The following MOB1A variants were observed in gnomAD, a reference collection of about 807,000 sequenced individuals.
MOB1A encodes the protein MOB kinase activator 1A.
MOB1A carries 10 observed loss-of-function variants against 25.1 expected under a neutral mutation model. That is an observed-to-expected ratio of 0.40 (90% CI 0.25 to 0.68). MOB1A has a LOEUF of 0.68. Ranked by LOEUF, MOB1A falls within the 30% of genes least tolerant of loss-of-function variation. The probability of loss-of-function intolerance (pLI) is 0.40; values close to 1 mark genes in which losing one functional copy is unlikely to be tolerated. For missense variants in MOB1A, 177 were observed against 256.3 expected (o/e 0.69, Z 2.11); for synonymous variants, 81 against 79.5 (o/e 1.02, Z -0.10).
In MOB1A at chr2:74,172,574, T is replaced by A. The variant is rs1398647386; in HGVS notation, c.181+12A>T. 6.3e-7 allele frequency: 1 copy of A among 1,595,314 alleles called. No homozygotes were observed. Among genetic ancestry groups the A allele is most frequent in the Non-Finnish European group, 8.5e-7 (1 of 1,174,286 alleles). ...TTTCTAGAAAACAGCAAAGTTACAT[T>A]TTAAAACTTACTGTTCACAGCAATC... is the stretch of plus-strand genomic sequence containing the variant. On this transcript the variant is annotated intron_variant, in intron 2 of 5. Coordinates refer to ENST00000396049, the MANE Select transcript of MOB1A (RefSeq NM_018221.5).
At chr2:74,173,371 T>A (rs924835345) in intron 1 of MOB1A, among the ~76,000 whole-genome samples, 1 of 140,096 alleles carries the variant, frequency 7.1e-6, no homozygotes, top group Non-Finnish European at 1.5e-5. Flanking sequence ...TTGGCCTCAA[T>A]TTCGGTTTTT....
intron 2 of MOB1A, among the ~76,000 whole-genome samples, chr2:74,167,339 G>C (rs147702647): frequency 6.6e-6 from 1 of 151,898 alleles, no homozygotes; most frequent in Admixed American, 6.6e-5. Flanking sequence ...TCCGCTTCCC[G>C]GGTTCAAGCA....
At chr2:74,177,191 T>C (rs1369068608) in intron 1 of MOB1A, among the ~76,000 whole-genome samples, 1 of 151,918 alleles carries the variant, frequency 6.6e-6, no homozygotes, top group African/African-American at 2.4e-5. Flanking sequence ...CCGGCGCCTG[T>C]AATCCCAGCT....
intron 2 of MOB1A, among the ~76,000 whole-genome samples, chr2:74,171,022 G>A (rs1186290125): frequency 6.6e-6 from 1 of 152,180 alleles, no homozygotes; most frequent in Non-Finnish European, 1.5e-5. Context: ...GCTCACGCCT[G>A]TAATCCCTGC....
At chr2:74,174,428 G>A (rs769146012) in intron 1 of MOB1A, among the ~76,000 whole-genome samples, 1 of 152,084 alleles carries the variant, frequency 6.6e-6, no homozygotes, top group African/African-American at 2.4e-5. Flanking sequence ...AGGCGGAATG[G>A]GGGGTGGGGA....
chr2:74,165,185 AAAAG>A (rs1693094777), intron 4 of MOB1A, 29 bp downstream of exon 4: 1 of 1,454,858 alleles, frequency 6.9e-7, no homozygotes, highest in South Asian at 1.5e-5. Flanking sequence ...AAATTTTAAA[AAAAG>A]AAAGAATACT....
chr2:74,156,109 TA>T lies in MOB1A; in HGVS notation c.*458del, dbSNP rs1206096165. On this transcript the variant is annotated 3_prime_UTR_variant, in exon 6 of 6. Transcript: ENST00000396049. ...TACTGAAAAATACATTTTTTATTCG[TA>T]AAATAAAAGAATAAAACCAATCTGA... 6.5e-6 allele frequency: 1 copy of T among 153,200 alleles called. No individual in the cohort carries two copies. Among genetic ancestry groups the T allele is most frequent in the African/African-American group, 2.4e-5 (1 of 41,460 alleles). The allele number at this position is 153,200 out of a possible 1,614,324, so 9.5% of individuals were successfully genotyped here.
intron 2 of MOB1A, among the ~76,000 whole-genome samples, chr2:74,169,556 A>G (rs1322678133): frequency 6.6e-6 from 1 of 152,124 alleles, no homozygotes; most frequent in Non-Finnish European, 1.5e-5. Context: ...TTTCCAACAG[A>G]GTATCACGAG....
rs189439055 is a variant in MOB1A at position 74,160,407 on chromosome 2, G to T, written c.410-1153C>A. 1.1e-3 allele frequency among the ~76,000 whole-genome samples: 166 copies of T among 152,238 alleles called. 1 individual carries two copies. The highest frequency in any genetic ancestry group is 3.9e-3 in the African/African-American group (161 of 41,542). Reference sequence around the variant, plus strand: ...TCCTAAGCAAAATAAAAAGGCAGCCGGGCACAGTGGCTCACGCCTGTAATC... The same window carrying T: ...TCCTAAGCAAAATAAAAAGGCAGCCTGGCACAGTGGCTCACGCCTGTAATC... On this transcript the variant is annotated intron_variant, in intron 4 of 5. Coordinates refer to ENST00000396049, the MANE Select transcript of MOB1A (RefSeq NM_018221.5).
At chr2:74,158,882 G>C (rs1692878873) in intron 5 of MOB1A, among the ~76,000 whole-genome samples, 1 of 152,070 alleles carries the variant, frequency 6.6e-6, no homozygotes, top group Admixed American at 6.5e-5. Flanking sequence ...GGTGGCCAGA[G>C]GCAGAAGGCC....
At chr2:74,171,722 G>A (rs1693299089) in intron 2 of MOB1A, among the ~76,000 whole-genome samples, 1 of 152,104 alleles carries the variant, frequency 6.6e-6, no homozygotes, top group Non-Finnish European at 1.5e-5. Flanking sequence ...GGGCAACATG[G>A]TGAAACCTTG....
chr2:74,168,809 G>A (rs1693202827), intron 2 of MOB1A, among the ~76,000 whole-genome samples: 1 of 152,106 alleles, frequency 6.6e-6, no homozygotes, highest in South Asian at 2.1e-4. Context: ...ATGTTTCTAA[G>A]AAAGTAACAC....
chr2:74,173,221 A>G (rs1693347446), intron 1 of MOB1A: 1 of 517,838 alleles, frequency 1.9e-6, no homozygotes, highest in African/African-American at 1.9e-5. Flanking sequence ...CCCTGCCTGT[A>G]AAAGCAAGAT....
intron 1 of MOB1A, among the ~76,000 whole-genome samples, chr2:74,176,296 AAAG>A (rs1693458373): frequency 1.3e-5 from 2 of 149,192 alleles, no homozygotes; most frequent in Non-Finnish European, 3.0e-5. Context: ...AAAAAAAAAA[AAAG>A]GAGGTAAAAA....
rs941736432 is a variant in MOB1A, at chr2:74,155,780, A to G, written c.*788T>C. 1.3e-5 allele frequency: 2 copies of G among 152,468 alleles called. No individual in the cohort carries two copies. The highest frequency in any genetic ancestry group is 4.8e-5 in the African/African-American group (2 of 41,460). 9.4% of individuals were successfully genotyped at this position (152,468 alleles called of 1,614,324 possible). A position where few individuals can be genotyped will look rare whatever the true frequency, so the allele number is the denominator to read the frequency against. ...TTCCTTTTCTCAGCCAAAAGCTACT[A>G]TCTGAATTAAGCTTTTCAGTTTAAA... On this transcript the variant is annotated 3_prime_UTR_variant, in exon 6 of 6. Transcript: ENST00000396049.
chr2:74,178,051 G>A (rs1201040575), intron 1 of MOB1A: 1 of 149,768 alleles, frequency 6.7e-6, no homozygotes, highest in East Asian at 2.0e-4. Flanking sequence ...TTATAATACT[G>A]CAATGTACTA....
intron 1 of MOB1A, 91 bp downstream of exon 1, chr2:74,178,569 GC>G: frequency 2.1e-6 from 2 of 944,206 alleles, no homozygotes; most frequent in South Asian, 3.1e-5. Flanking sequence ...CCCCGCCTCG[GC>G]CCCCAGGCCG....
chr2:74,176,117 C>CAT (rs1693451471), intron 1 of MOB1A, among the ~76,000 whole-genome samples: 1 of 113,632 alleles, frequency 8.8e-6, no homozygotes, highest in Non-Finnish European at 2.0e-5. Flanking sequence ...CACACACACA[C>CAT]ACACACAAAC....
chr2:74,161,729 A>G (rs1692978196), intron 4 of MOB1A, among the ~76,000 whole-genome samples: 1 of 151,892 alleles, frequency 6.6e-6, no homozygotes, highest in South Asian at 2.1e-4. Context: ...ACTGAAGCAG[A>G]AAGGTTGCTT....
Sources: allele counts gnomAD v4.1 joint callset (sites outside exome capture counted in the v4.1 genomes callset), GRCh38; gene constraint gnomAD v4.1.1; transcripts MANE v1.5; gene names NCBI Gene and HGNC (gene_info 2026-07-23, HGNC 2026-07-21).